ASB7: variants seen among roughly 807,000 people sequenced by gnomAD.
ASB7 encodes ankyrin repeat and SOCS box containing 7.
In ASB7, 4 loss-of-function variants were observed where a neutral mutation model predicts 32.5. That is an observed-to-expected ratio of 0.12 (90% CI 0.06 to 0.28). The LOEUF is 0.28. Among genes scored for constraint, ASB7 ranks in the 10% least tolerant of loss-of-function variants. The probability of loss-of-function intolerance (pLI) is 1.00; values close to 1 mark genes in which losing one functional copy is unlikely to be tolerated. For synonymous variants in ASB7, 172 were observed against 155.6 expected (o/e 1.11, Z -0.78); for missense variants, 181 against 407.1 (o/e 0.44, Z 4.78).
At chr15:100,630,558 C>A (rs1471573436) in intron 5 of ASB7, among the ~76,000 whole-genome samples, 1 of 152,148 alleles carries the variant, frequency 6.6e-6, no homozygotes, top group Non-Finnish European at 1.5e-5. Flanking sequence ...TTTAGGGATA[C>A]CACTCGTGGA....
At chr15:100,646,879 G>A (rs921688065) in intron 5 of ASB7, among the ~76,000 whole-genome samples, 1 of 152,178 alleles carries the variant, frequency 6.6e-6, no homozygotes, top group Non-Finnish European at 1.5e-5. Context: ...TTTATCATGA[G>A]TGTCAGTTTT....
chr15:100,624,030 A>G (rs913884996), intron 4 of ASB7, among the ~76,000 whole-genome samples: 6 of 152,240 alleles, frequency 3.9e-5, no homozygotes, highest in African/African-American at 1.4e-4. Flanking sequence ...TGACGAGGTC[A>G]TCATGTGAGG....
intron 5 of ASB7, among the ~76,000 whole-genome samples, chr15:100,630,538 G>A (rs1348744048): frequency 6.6e-6 from 1 of 152,204 alleles, no homozygotes. Context: ...TGGAGCAGTG[G>A]TGCTGTGTAT....
chr15:100,646,155 T>A (rs535514689), intron 5 of ASB7: 6 of 414,484 alleles, frequency 1.4e-5, no homozygotes, highest in South Asian at 1.2e-4. Context: ...TCCACTCCCA[T>A]AAGAGAATAG....
chr15:100,646,513 T>C, intron 5 of ASB7: 1 of 449,480 alleles, frequency 2.2e-6, no homozygotes, highest in South Asian at 1.7e-5. Flanking sequence ...CACATATTTG[T>C]GGAACTCATT....
intron 4 of ASB7, among the ~76,000 whole-genome samples, chr15:100,616,852 A>G (rs74039455): frequency 0.031 from 4,719 of 152,294 alleles, 231 homozygotes; most frequent in African/African-American, 0.11. Context: ...TATTTAGTGT[A>G]GTCCTGGCTT....
chr15:100,645,625 A>G (rs558094905), intron 5 of ASB7: 8 of 896,918 alleles, frequency 8.9e-6, no homozygotes, highest in Non-Finnish European at 1.5e-5. Context: ...CATGGGTAGG[A>G]GACCGTTTTA....
intron 4 of ASB7, 169 bp downstream of exon 4, chr15:100,612,596 A>T (rs1443688004): frequency 1.5e-5 from 10 of 675,990 alleles, no homozygotes; most frequent in Non-Finnish European, 2.5e-5. Flanking sequence ...GTTTAAAACC[A>T]GATTGTTTAA....
intron 5 of ASB7, among the ~76,000 whole-genome samples, chr15:100,632,958 C>T (rs1321857888): frequency 4.0e-5 from 6 of 151,742 alleles, no homozygotes; most frequent in Non-Finnish European, 7.4e-5. Flanking sequence ...TGAAGAGCTG[C>T]TGTTGCTGTT....
chr15:100,633,601 A>C (rs2039900432), intron 5 of ASB7, among the ~76,000 whole-genome samples: 1 of 151,676 alleles, frequency 6.6e-6, no homozygotes, highest in Non-Finnish European at 1.5e-5. Flanking sequence ...AAAGAGAGGA[A>C]AGGAAAGGGG....
chr15:100,607,665 A>C (rs2039657917), intron 2 of ASB7, among the ~76,000 whole-genome samples: 1 of 152,214 alleles, frequency 6.6e-6, no homozygotes, highest in Non-Finnish European at 1.5e-5. Context: ...GGGATTTTAA[A>C]AAATTCATTT....
At position 100,629,646 on chromosome 15, in the gene ASB7, G is replaced by T; in HGVS notation, c.421G>T (p.Ala141Ser). 4 of 1,614,158 alleles carry T rather than the reference G, an allele frequency of 2.5e-6. No individual in the cohort carries two copies. The South Asian group carries it at 4.4e-5, about 18-fold the overall frequency. Residue 141 changes from alanine (A) to serine (S), a missense_variant, in exon 5 of 6, where the codon GCT (alanine) becomes TCT (serine). Coordinates refer to ENST00000332783, the MANE Select transcript of ASB7 (RefSeq NM_198243.3). This position sits in a 1 kb window ranked among gnomAD's most constrained non-coding sequence, Gnocchi z 6.8. The stretch of plus-strand genomic sequence containing the variant: ...TGTCCGGCTCCTCCTGGAGTTCAAG[G>T]CTGAGGTTGACCCACTCAGTGATAA... ...SFVRLLLEFK[A>S]EVDPLSDKGT...
intron 2 of ASB7, among the ~76,000 whole-genome samples, chr15:100,607,234 A>G (rs1424486313): frequency 2.6e-5 from 4 of 151,914 alleles, no homozygotes; most frequent in Non-Finnish European, 5.9e-5. Context: ...CAGTTTTTTA[A>G]TAAACTCCCT....
chr15:100,607,581 T>C (rs1195698137), intron 2 of ASB7, among the ~76,000 whole-genome samples: 1 of 152,210 alleles, frequency 6.6e-6, no homozygotes, highest in Admixed American at 6.5e-5. Flanking sequence ...GAGTACTTTT[T>C]TGGTTTAAAC....
intron 5 of ASB7, among the ~76,000 whole-genome samples, chr15:100,634,675 G>A (rs1301829977): frequency 2.0e-5 from 3 of 152,088 alleles, no homozygotes; most frequent in Admixed American, 1.3e-4. Flanking sequence ...GTGGTGGCAC[G>A]CACCTATTGT....
chr15:100,639,710 G>A (rs2141405634), intron 5 of ASB7, among the ~76,000 whole-genome samples: 1 of 152,278 alleles, frequency 6.6e-6, no homozygotes, highest in Admixed American at 6.5e-5. Context: ...GTCTTACTAG[G>A]TTTTTCAGTC....
At chr15:100,604,933 A>G (rs1009618686) in intron 2 of ASB7, among the ~76,000 whole-genome samples, 1 of 152,220 alleles carries the variant, frequency 6.6e-6, no homozygotes, top group African/African-American at 2.4e-5. Context: ...TTTTGTATTC[A>G]AGCCTCTCAG....
chr15:100,631,025 C>T (rs939970515), intron 5 of ASB7, among the ~76,000 whole-genome samples: 5 of 152,194 alleles, frequency 3.3e-5, no homozygotes, highest in Non-Finnish European at 5.9e-5. Flanking sequence ...CACTCTACCC[C>T]TTGGAGCGGG....
chr15:100,636,696 A>G (rs2039925508), intron 5 of ASB7, among the ~76,000 whole-genome samples: 1 of 152,182 alleles, frequency 6.6e-6, no homozygotes, highest in Non-Finnish European at 1.5e-5. Flanking sequence ...CTTGCCACTA[A>G]CCACTCTTAA....
Sources: gnomAD v4.1 joint callset for allele counts (sites outside exome capture counted in the v4.1 genomes callset) on GRCh38, gnomAD v4.1.1 for gene constraint, Gnocchi (gnomAD v3.1) non-coding constraint, MANE v1.5 for transcripts, NCBI Gene and HGNC (gene_info 2026-07-23, HGNC 2026-07-21) for gene names.